The following SDHA variants were observed in gnomAD, a reference collection of about 807,000 sequenced individuals.
The protein encoded by SDHA is succinate dehydrogenase [ubiquinone] flavoprotein subunit, mitochondrial.
In SDHA, 48 loss-of-function variants were observed where a neutral mutation model predicts 78.4. The ratio of observed to expected loss-of-function variants is 0.61; its 90% CI spans 0.49 to 0.78. The LOEUF (loss-of-function observed/expected upper bound fraction) is 0.78, where lower values mean the gene tolerates loss of function less well. Ranked by LOEUF, SDHA falls within the 30% of genes least tolerant of loss-of-function variation. The pLI, the probability that SDHA is intolerant of heterozygous loss-of-function variation, is 0.00. For missense variants in SDHA, 680 were observed against 892.7 expected, an observed-to-expected ratio of 0.76 and a Z score of 3.04; for synonymous variants, 326 against 353.9, an observed-to-expected ratio of 0.92 and a Z score of 0.88.
At chr5:230,575 G>A (rs1735333659) in intron 6 of SDHA, among the ~76,000 whole-genome samples, 2 of 152,062 alleles carry the variant, frequency 1.3e-5, no homozygotes. Flanking sequence ...GCTGTGAGCC[G>A]AGATCGCACC....
chr5:258,705 C>CAT (rs1737372238), downstream of SDHA, among the ~76,000 whole-genome samples: 1 of 89,820 alleles, frequency 1.1e-5, no homozygotes, highest in African/African-American at 7.2e-5. Flanking sequence ...CTCCGCCTCC[C>CAT]GCCAGAGCAT....
rs1735368615 is a variant in SDHA, at chr5:231,057, G to A, written c.895+57G>A. On this transcript the variant is annotated intron_variant, in intron 7 of 14. Transcript: ENST00000264932. Reference sequence around the variant, plus strand: ...TGGCTTGTGTGTGTCTTGTAAGCATGTGATGCCTACTCATTGCTCTTCCAT... The same window carrying A: ...TGGCTTGTGTGTGTCTTGTAAGCATATGATGCCTACTCATTGCTCTTCCAT... The A allele has an allele frequency of 1.9e-6, 3 of 1,586,754 alleles. No individual in the cohort carries two copies. In the South Asian group the frequency reaches 3.3e-5, roughly 18 times the overall value.
chr5:247,560 G>A (rs1736538559), intron 11 of SDHA, among the ~76,000 whole-genome samples: 2 of 152,204 alleles, frequency 1.3e-5, no homozygotes, highest in South Asian at 2.1e-4. Flanking sequence ...TTGCCAAATG[G>A]TACATTCCTC....
intron 11 of SDHA, among the ~76,000 whole-genome samples, chr5:248,665 A>G (rs2126626332): frequency 1.3e-5 from 2 of 152,276 alleles, no homozygotes; most frequent in Middle Eastern, 3.4e-3. Context: ...AGTCAGAGAA[A>G]ATGAACGTAC....
intron 11 of SDHA, chr5:249,499 T>G (rs1400526695): frequency 1.3e-5 from 2 of 154,772 alleles, no homozygotes; most frequent in African/African-American, 4.8e-5. Flanking sequence ...GAAAACCGTT[T>G]AAGGCATTCT....
chr5:248,892 C>T (rs1968375), intron 11 of SDHA, among the ~76,000 whole-genome samples: 36,622 of 152,066 alleles, frequency 0.24, 6,876 homozygotes, highest in African/African-American at 0.53. Context: ...GGAACCATGG[C>T]GGTGTAGTGG....
At chr5:236,841 AG>A (rs1735820416) in intron 10 of SDHA, among the ~76,000 whole-genome samples, 1 of 151,666 alleles carries the variant, frequency 6.6e-6, no homozygotes, top group Non-Finnish European at 1.5e-5. Flanking sequence ...TTGTAGAGAC[AG>A]GGTCTCACAA....
chr5:223,311 C>A (rs531859350), intron 1 of SDHA, among the ~76,000 whole-genome samples, 171 bp from the exon 2 acceptor site: 2 of 152,312 alleles, frequency 1.3e-5, no homozygotes, highest in East Asian at 3.9e-4. Flanking sequence ...TTCCTTGCCC[C>A]TTGGGCTGCC....
At chr5:228,032 T>C (rs1462863609) in intron 5 of SDHA, 153 bp from the exon 6 acceptor site, 6 of 760,904 alleles carry the variant, frequency 7.9e-6, no homozygotes, top group Non-Finnish European at 1.3e-5. Flanking sequence ...CCTCTCGGGC[T>C]CTGACAGTGT....
At chr5:225,617 T>C in intron 4 of SDHA, 55 bp downstream of exon 4, 2 of 1,612,136 alleles carry the variant, frequency 1.2e-6, no homozygotes, top group Non-Finnish European at 1.7e-6. Context: ...TACAAAAGAA[T>C]CCTGGAAAAA....
At chr5:242,470 T>C (rs1212811661) in intron 11 of SDHA, among the ~76,000 whole-genome samples, 2 of 152,246 alleles carry the variant, frequency 1.3e-5, no homozygotes, top group Non-Finnish European at 2.9e-5. Context: ...GGAATACTTT[T>C]AGTAAATCTT....
the SDHA span, among the ~76,000 whole-genome samples, chr5:263,487 C>G: frequency 1.3e-5 from 2 of 152,126 alleles, no homozygotes; most frequent in Admixed American, 1.3e-4. Context: ...CAGAGGGTGT[C>G]GAGAATGCCT....
chr5:239,683 C>CT lies in SDHA; in HGVS notation c.1433-673dup, dbSNP rs1457029903. 5.3e-5 allele frequency among the ~76,000 whole-genome samples: 8 copies of CT among 152,284 alleles called. No individual in the cohort carries two copies. In the East Asian group the frequency reaches 1.5e-3, roughly 29 times the overall value. On this transcript the variant is annotated intron_variant, in intron 10 of 14. Transcript: ENST00000264932. ...CGCTGATGTGAAGGGTGGCCGGCCC[C>CT]TTGGGACCACCATCTGGAAGGTGTC... is the stretch of plus-strand genomic sequence containing the variant.
intron 10 of SDHA, among the ~76,000 whole-genome samples, chr5:238,223 G>C (rs758825102): frequency 3.3e-5 from 5 of 152,064 alleles, no homozygotes; most frequent in Admixed American, 6.6e-5. Context: ...CAAGGGATTG[G>C]TGGTTGCCAG....
chr5:265,293 T>A, the SDHA span, among the ~76,000 whole-genome samples: 1 of 152,264 alleles, frequency 6.6e-6, no homozygotes, highest in Non-Finnish European at 1.5e-5. Context: ...ACTCTGTTGT[T>A]CCTTTCACAT....
chr5:245,490 AGG>A (rs1217941656), intron 11 of SDHA, among the ~76,000 whole-genome samples: 1 of 152,248 alleles, frequency 6.6e-6, no homozygotes, highest in Non-Finnish European at 1.5e-5. Context: ...AGACTTGTGT[AGG>A]GCAAGCAATT....
At chr5:268,200 T>A in the SDHA span, among the ~76,000 whole-genome samples, 2 of 151,954 alleles carry the variant, frequency 1.3e-5, no homozygotes, top group African/African-American at 4.8e-5. Flanking sequence ...TTTTTTTTTT[T>A]TGAGACGGAG....
chr5:226,531 C>T (rs1287640264), intron 5 of SDHA, among the ~76,000 whole-genome samples: 1 of 152,160 alleles, frequency 6.6e-6, no homozygotes, highest in African/African-American at 2.4e-5. Flanking sequence ...ACTCAGGAGG[C>T]TGAGGCTCCT....
intron 6 of SDHA, among the ~76,000 whole-genome samples, chr5:228,566 G>A (rs1489125939): frequency 1.3e-5 from 2 of 150,462 alleles, no homozygotes; most frequent in East Asian, 3.9e-4. Context: ...GATGGTAGTG[G>A]TTGCCCTCAG....
Sources: gnomAD v4.1 joint callset for allele counts (sites outside exome capture counted in the v4.1 genomes callset) on GRCh38, gnomAD v4.1.1 for gene constraint, MANE v1.5 for transcripts, NCBI Gene and HGNC (gene_info 2026-07-23, HGNC 2026-07-21) for gene names.